Variants in PDS5A observed in about 807,000 individuals in gnomAD.
PDS5A encodes the protein sister chromatid cohesion protein PDS5 homolog A.
A neutral mutation model predicts 167.1 loss-of-function variants in PDS5A; 42 were observed. That is an observed-to-expected ratio of 0.25 (90% CI 0.20 to 0.33). The LOEUF (loss-of-function observed/expected upper bound fraction) is 0.33. PDS5A is among the 10% of genes least tolerant of loss of function. The pLI is 1.00. For synonymous variants in PDS5A, 553 were observed against 554.6 expected (o/e 1.00, Z 0.04); for missense variants, 1,033 against 1,605.9 (o/e 0.64, Z 6.10).
At chr4:39,827,740 T>C (rs1229041122) in intron 32 of PDS5A, among the ~76,000 whole-genome samples, 1 of 152,120 alleles carries the variant, frequency 6.6e-6, no homozygotes, top group African/African-American at 2.4e-5. Flanking sequence ...AAACAAAACA[T>C]GTTAATCCAA....
At chr4:39,895,199 C>CAAAAAAAA (rs34303340) in intron 16 of PDS5A, among the ~76,000 whole-genome samples, 8 of 93,384 alleles carry the variant, frequency 8.6e-5, no homozygotes, top group East Asian at 2.9e-4. Context: ...GACTCCGTCT[C>CAAAAAAAA]AAAAAAAAAA....
chr4:39,898,748 A>G (rs374409047), intron 15 of PDS5A, 29 bp downstream of exon 15: 3 of 1,410,164 alleles, frequency 2.1e-6, no homozygotes, highest in East Asian at 4.6e-5. Context: ...CGTTTACTAC[A>G]TGTTTAGTGA....
intron 3 of PDS5A, 132 bp from the exon 4 acceptor site, chr4:39,926,993 A>T: frequency 1.4e-6 from 1 of 715,778 alleles, no homozygotes; most frequent in Non-Finnish European, 2.0e-6. Context: ...ATGTCTTGGG[A>T]TTGGCCTAAT....
chr4:39,877,357 C>T (rs561391473), intron 18 of PDS5A, among the ~76,000 whole-genome samples: 17 of 152,158 alleles, frequency 1.1e-4, no homozygotes, highest in Non-Finnish European at 2.2e-4. Context: ...CCAGTTATTC[C>T]TTGACACAAC....
At chr4:39,916,619 G>A (rs1196064206) in intron 8 of PDS5A, among the ~76,000 whole-genome samples, 4 of 152,086 alleles carry the variant, frequency 2.6e-5, no homozygotes, top group Admixed American at 6.5e-5. Context: ...TGTAATCCCA[G>A]CACTTTGGGC....
chr4:39,923,437 T>TA (rs952341073), intron 5 of PDS5A, among the ~76,000 whole-genome samples: 3 of 151,652 alleles, frequency 2.0e-5, no homozygotes, highest in Non-Finnish European at 2.9e-5. Context: ...AATTCTGCCT[T>TA]AAAAAATGTC....
chr4:39,937,396 T>C (rs1394228198), intron 2 of PDS5A, among the ~76,000 whole-genome samples: 1 of 152,108 alleles, frequency 6.6e-6, no homozygotes, highest in African/African-American at 2.4e-5. Context: ...TACACCTCAA[T>C]ACAGCTATTA....
intron 17 of PDS5A, among the ~76,000 whole-genome samples, chr4:39,883,925 C>G (rs1721182214): frequency 6.7e-6 from 1 of 148,838 alleles, no homozygotes; most frequent in Non-Finnish European, 1.5e-5. Flanking sequence ...TCACCACACC[C>G]AGCCTTCTCC....
chr4:39,902,496 C>A, intron 12 of PDS5A, 36 bp from the exon 13 acceptor site: 1 of 1,004,596 alleles, frequency 1.0e-6, no homozygotes, highest in Non-Finnish European at 1.5e-6. Flanking sequence ...ACCTAAGTGA[C>A]ACAATTATTC....
At chr4:39,964,134 G>T (rs559147766) in intron 2 of PDS5A, among the ~76,000 whole-genome samples, 1 of 152,288 alleles carries the variant, frequency 6.6e-6, no homozygotes, top group South Asian at 2.1e-4. Flanking sequence ...GAACCACAGA[G>T]AAATTCTGTA....
chr4:39,837,799 A>T, intron 32 of PDS5A, 57 bp downstream of exon 32: 1 of 1,319,292 alleles, frequency 7.6e-7, no homozygotes, highest in Non-Finnish European at 1.0e-6. Flanking sequence ...CTAAGAATAT[A>T]CTACGAATAA....
intron 16 of PDS5A, among the ~76,000 whole-genome samples, chr4:39,893,098 T>C (rs996896829): frequency 1.3e-5 from 2 of 152,208 alleles, no homozygotes; most frequent in African/African-American, 2.4e-5. Flanking sequence ...GACTGTTTCA[T>C]TAAATGTCAA....
At chr4:39,842,939 T>TATATATATATATATA (rs1560419736) in intron 30 of PDS5A, among the ~76,000 whole-genome samples, 8 of 31,820 alleles carry the variant, frequency 2.5e-4, no homozygotes, top group African/African-American at 1.4e-3. Context: ...ATATATATAT[T>TATATATATATATATA]TTAAGAGACA....
chr4:39,910,328 T>A lies in PDS5A; in HGVS notation c.1003A>T (p.Ile335Phe). The A allele has an allele frequency of 1.4e-6, 2 of 1,423,370 alleles. No individual in the cohort carries two copies. Among genetic ancestry groups the A allele is most frequent in the Non-Finnish European group, 2.0e-6 (2 of 1,014,872 alleles). 88.2% of individuals were successfully genotyped at this position (1,423,370 alleles called of 1,614,324 possible). A position where few individuals can be genotyped will look rare whatever the true frequency, so the allele number is the denominator to read the frequency against. ...WQCFLGRFND[I>F]HVPVRLESVK... is the part of the protein sequence containing the mutation. ...CTTTCTAATCTCACAGGAACATGAA[T>A]ATCATTAAATCTACACAGAAAAAGA... is the stretch of plus-strand genomic sequence containing the variant. The change falls in exon 10 of 33, where the codon ATT (isoleucine) becomes TTT (phenylalanine). Residue 335 changes from isoleucine to phenylalanine, a missense_variant. By Grantham distance (21) the Ile-to-Phe change is conservative. Around this residue, in one of 4 missense-constraint regions of PDS5A, gnomAD observed 388 missense variants for 615.1 expected, o/e 0.63. Coordinates refer to ENST00000303538, the MANE Select transcript of PDS5A (RefSeq NM_001100399.2).
Position 39,898,787 on chromosome 4 carries a change from C to T in PDS5A, c.1620G>A (p.Met540Ile). The change falls in exon 15 of 33, where the codon ATG (methionine) becomes ATA (isoleucine). Residue 540 changes from methionine (M) to isoleucine (I), a missense_variant. Met to Ile is a conservative substitution (Grantham distance 10). This residue lies in a region of PDS5A where 45 missense variants were observed against 40.2 expected (regional missense o/e 1.12). Coordinates refer to ENST00000303538, the MANE Select transcript of PDS5A (RefSeq NM_001100399.2). ...ANCSAMFGKL[M>I]TIAKNLPDPG... Reference sequence around the variant, plus strand: ...AATAAACATACTCACTTGCTATGGTCATCAGTTTTCCAAACATGGCAGAAC... The same window carrying T: ...AATAAACATACTCACTTGCTATGGTTATCAGTTTTCCAAACATGGCAGAAC... The T allele has an allele frequency of 6.3e-7, 1 of 1,584,732 alleles. No homozygotes were observed.
At chr4:39,845,727 C>T (rs1717534836) in intron 29 of PDS5A, 91 bp downstream of exon 29, 1 of 1,241,552 alleles carries the variant, frequency 8.1e-7, no homozygotes, top group Non-Finnish European at 1.0e-6. Context: ...AGGAACTATA[C>T]AATCTAGTGG....
chr4:39,946,227 G>GA (rs139919030), intron 2 of PDS5A, among the ~76,000 whole-genome samples: 3,843 of 142,118 alleles, frequency 0.027, 77 homozygotes, highest in Non-Finnish European at 0.04. Flanking sequence ...AAAAAAGAAA[G>GA]AAAAAAAAAG....
chr4:39,845,928 A>T (rs775227856), intron 28 of PDS5A, 48 bp from the exon 29 acceptor site: 1 of 1,258,708 alleles, frequency 7.9e-7, no homozygotes, highest in Admixed American at 4.2e-5. Flanking sequence ...CAATCAAAGG[A>T]ACATGAGTAT....
In PDS5A at chr4:39,869,409, A is replaced by G. The variant is rs1276563104; in HGVS notation, c.2490T>C (p.Pro830=). 3 of 1,596,798 alleles carry G rather than the reference A, an allele frequency of 1.9e-6. No individual in the cohort carries two copies. The highest frequency in any genetic ancestry group is 2.6e-6 in the Non-Finnish European group (3 of 1,164,332). The change falls in exon 22 of 33, where the codon CCT becomes CCC. Residue 830 remains proline, a synonymous_variant. Coordinates refer to ENST00000303538, the MANE Select transcript of PDS5A (RefSeq NM_001100399.2). ...ACAAATTTACCTTTGCTAGTACTTC[A>G]GGGGAAACCTCTTCATCTGGAGACC... The part of the protein sequence containing the change: ...KLWSPDEEVS[P]EVLAKVQAIK...
Sources: gnomAD v4.1 joint callset for allele counts (sites outside exome capture counted in the v4.1 genomes callset) on GRCh38, gnomAD v4.1.1 for gene constraint, gnomAD v4.1.1 regional missense constraint, MANE v1.5 for transcripts, NCBI Gene and HGNC (gene_info 2026-07-23, HGNC 2026-07-21) for gene names.